Variants in SLC4A5 observed in about 807,000 individuals in gnomAD.
SLC4A5 encodes electrogenic sodium bicarbonate cotransporter 4.
In SLC4A5, 96 loss-of-function variants were observed where a neutral mutation model predicts 120.4. That is an observed-to-expected ratio of 0.80 (90% CI 0.68 to 0.94). The LOEUF (loss-of-function observed/expected upper bound fraction) is 0.94. SLC4A5 is among the 40% of genes least tolerant of loss of function. SLC4A5 has a pLI of 0.00. For missense variants in SLC4A5, 1,259 were observed against 1,459.5 expected, an observed-to-expected ratio of 0.86 and a Z score of 2.24; for synonymous variants, 550 against 571.1, an observed-to-expected ratio of 0.96 and a Z score of 0.53.
chr2:74,334,288 T>C (rs1448661496), intron 3 of SLC4A5, 111 bp from the exon 4 acceptor site: 2 of 152,222 alleles, frequency 1.3e-5, no homozygotes, highest in African/African-American at 4.8e-5. Context: ...ACCACCCCTA[T>C]CTACTTCCCA....
intron 19 of SLC4A5, among the ~76,000 whole-genome samples, chr2:74,245,423 C>T (rs1670580072): frequency 6.6e-6 from 1 of 152,172 alleles, no homozygotes; most frequent in Non-Finnish European, 1.5e-5. Context: ...TACGTCAATG[C>T]AACACTGAAT....
At chr2:74,313,955 G>A (rs936926058) in intron 6 of SLC4A5, among the ~76,000 whole-genome samples, 1 of 152,094 alleles carries the variant, frequency 6.6e-6, no homozygotes, top group Non-Finnish European at 1.5e-5. Flanking sequence ...GCTTCTCTGG[G>A]ACTCGGTGAA....
intron 4 of SLC4A5, among the ~76,000 whole-genome samples, chr2:74,331,012 G>C (rs1673352968): frequency 6.7e-6 from 1 of 148,926 alleles, no homozygotes; most frequent in African/African-American, 2.5e-5. Flanking sequence ...CTAGAAGGAG[G>C]TGGTGAGGTC....
At chr2:74,252,953 A>T (rs200535267) in intron 15 of SLC4A5, 21 bp downstream of exon 15, 1 of 1,613,720 alleles carries the variant, frequency 6.2e-7, no homozygotes. Flanking sequence ...TTCTCTCCCT[A>T]CTGCCCATTC....
intron 7 of SLC4A5, among the ~76,000 whole-genome samples, chr2:74,294,908 T>C (rs1672282636): frequency 6.6e-6 from 1 of 152,098 alleles, no homozygotes; most frequent in Non-Finnish European, 1.5e-5. Context: ...TGGCCTCAAG[T>C]GATCCGCCTG....
intron 15 of SLC4A5, 47 bp from the exon 16 acceptor site, chr2:74,252,435 C>G: frequency 6.4e-7 from 1 of 1,573,936 alleles, no homozygotes; most frequent in Non-Finnish European, 8.7e-7. Flanking sequence ...CAGAGCACCC[C>G]TCACCTCTCC....
chr2:74,229,772 G>T (rs1298719920), intron 25 of SLC4A5, among the ~76,000 whole-genome samples: 1 of 152,150 alleles, frequency 6.6e-6, no homozygotes, highest in East Asian at 1.9e-4. Context: ...TTACTGCTCG[G>T]GTATGCCCAG....
chr2:74,315,226 G>T (rs561970084), intron 5 of SLC4A5, among the ~76,000 whole-genome samples: 22 of 152,200 alleles, frequency 1.4e-4, no homozygotes, highest in Middle Eastern at 6.8e-3. Flanking sequence ...GATCACCTGA[G>T]GTCAGGAGTT....
chr2:74,290,483 A>C, intron 7 of SLC4A5: 2 of 985,422 alleles, frequency 2.0e-6, no homozygotes, highest in Non-Finnish European at 2.4e-6. Context: ...AGGTGGAGAG[A>C]GAGGCTATAT....
At chr2:74,258,901 C>T (rs1219914274) in intron 12 of SLC4A5, among the ~76,000 whole-genome samples, 1 of 152,314 alleles carries the variant, frequency 6.6e-6, no homozygotes, top group East Asian at 1.9e-4. Context: ...CTGAAGGCTC[C>T]TCGCCAAGTC....
intron 8 of SLC4A5, among the ~76,000 whole-genome samples, chr2:74,273,728 A>G (rs1161752269): frequency 3.3e-5 from 5 of 152,242 alleles, no homozygotes; most frequent in Admixed American, 3.3e-4. Flanking sequence ...TTCCCAACAG[A>G]TACTGAAGAC....
intron 5 of SLC4A5, among the ~76,000 whole-genome samples, chr2:74,316,321 T>TTAAAAAAAAAAAAAAAAAA (rs1672963126): frequency 2.0e-5 from 1 of 51,170 alleles, no homozygotes; most frequent in African/African-American, 6.1e-5. Flanking sequence ...AAAAGAGTTG[T>TTAAAAAAAAAAAAAAAAAA]AAAAAAAAAA....
intron 28 of SLC4A5, 114 bp from the exon 29 acceptor site, chr2:74,223,066 G>A (rs1694712924): frequency 3.3e-6 from 2 of 607,464 alleles, no homozygotes; most frequent in Admixed American, 3.2e-5. Context: ...GTGCAGTGGT[G>A]CGATCTCGGC....
chr2:74,336,155 C>T (rs1344295906), intron 3 of SLC4A5, among the ~76,000 whole-genome samples: 1 of 152,152 alleles, frequency 6.6e-6, no homozygotes, highest in Non-Finnish European at 1.5e-5. Flanking sequence ...ACAGCCTTGA[C>T]CTCCCAGGCT....
At chr2:74,227,188 TGGGACTA>T in intron 26 of SLC4A5, 58 bp from the exon 27 acceptor site, 1 of 1,523,988 alleles carries the variant, frequency 6.6e-7, no homozygotes, top group Middle Eastern at 2.1e-4. Context: ...CGCTGGGTCC[TGGGACTA>T]GGGGAAGGGG....
At chr2:74,340,432 C>T (rs777973400) in intron 2 of SLC4A5, among the ~76,000 whole-genome samples, 7 of 151,964 alleles carry the variant, frequency 4.6e-5, no homozygotes, top group African/African-American at 7.3e-5. Flanking sequence ...TACTGAGCAG[C>T]GATGAAAGGC....
At chr2:74,246,522 C>G (rs1476978946) in intron 19 of SLC4A5, among the ~76,000 whole-genome samples, 2 of 152,246 alleles carry the variant, frequency 1.3e-5, no homozygotes, top group African/African-American at 2.4e-5. Flanking sequence ...GGTTCTCCAA[C>G]TGTTCTCAGA....
intron 5 of SLC4A5, among the ~76,000 whole-genome samples, chr2:74,317,317 A>G (rs761847901): frequency 6.6e-6 from 1 of 151,948 alleles, no homozygotes; most frequent in Non-Finnish European, 1.5e-5. Flanking sequence ...AAATTTTTCT[A>G]TAATGCAAAG....
intron 19 of SLC4A5, among the ~76,000 whole-genome samples, chr2:74,244,466 T>TTC (rs1431623491): frequency 7.2e-5 from 5 of 69,390 alleles, no homozygotes; most frequent in Non-Finnish European, 7.7e-5. Context: ...TTCCTTTTCT[T>TTC]TCTCTTTCTT....
Sources: gnomAD v4.1 joint callset for allele counts (sites outside exome capture counted in the v4.1 genomes callset) on GRCh38, gnomAD v4.1.1 for gene constraint, MANE v1.5 for transcripts, NCBI Gene and HGNC (gene_info 2026-07-23, HGNC 2026-07-21) for gene names.